The following HEMK2 variants were observed in gnomAD, a reference collection of about 807,000 sequenced individuals.
HEMK2 encodes methyltransferase HEMK2.
At chr21:28,626,190 G>C in the HEMK2 span, among the ~76,000 whole-genome samples, 4 of 151,986 alleles carry the variant, frequency 2.6e-5, no homozygotes, top group African/African-American at 4.8e-5. Flanking sequence ...ATGGCACAAA[G>C]GATGGGTGGA....
the HEMK2 span, among the ~76,000 whole-genome samples, chr21:28,713,024 T>C: frequency 6.6e-6 from 1 of 152,326 alleles, no homozygotes; most frequent in South Asian, 2.1e-4. Context: ...GAAATATGTC[T>C]GCAAGTAAAT....
chr21:28,848,020 G>T, the HEMK2 span, among the ~76,000 whole-genome samples: 4 of 152,180 alleles, frequency 2.6e-5, no homozygotes, highest in East Asian at 1.9e-4. Flanking sequence ...CTCAGTTACT[G>T]TAGCCTTATA....
chr21:28,812,499 T>C, the HEMK2 span, among the ~76,000 whole-genome samples: 1 of 152,230 alleles, frequency 6.6e-6, no homozygotes. Context: ...AACTTGATCG[T>C]GGTGGATAAC....
the HEMK2 span, among the ~76,000 whole-genome samples, chr21:28,764,678 A>T: frequency 7.8e-4 from 119 of 152,194 alleles, no homozygotes; most frequent in African/African-American, 2.7e-3. Context: ...GAACTCACAG[A>T]TGCAAGTTGA....
the HEMK2 span, among the ~76,000 whole-genome samples, chr21:28,688,226 G>T: frequency 6.6e-6 from 1 of 152,164 alleles, no homozygotes; most frequent in African/African-American, 2.4e-5. Context: ...CCCATTCATT[G>T]AGAGTACATT....
At chr21:28,605,773 T>C in the HEMK2 span, among the ~76,000 whole-genome samples, 1 of 152,218 alleles carries the variant, frequency 6.6e-6, no homozygotes, top group Non-Finnish European at 1.5e-5. Context: ...TAGAAAGTGT[T>C]CATTTTAAGG....
the HEMK2 span, among the ~76,000 whole-genome samples, chr21:28,834,821 G>C: frequency 1.3e-5 from 2 of 152,112 alleles, no homozygotes; most frequent in Non-Finnish European, 2.9e-5. Flanking sequence ...GTGGGAGTGA[G>C]ATGGGCCCTT....
At chr21:28,800,561 A>ATGTGTAT in the HEMK2 span, among the ~76,000 whole-genome samples, 2 of 152,100 alleles carry the variant, frequency 1.3e-5, no homozygotes, top group Non-Finnish European at 2.9e-5. Context: ...TGTATGTTTT[A>ATGTGTAT]TGTGTATAGA....
the HEMK2 span, among the ~76,000 whole-genome samples, chr21:28,597,792 G>C: frequency 6.6e-6 from 1 of 152,188 alleles, no homozygotes; most frequent in Non-Finnish European, 1.5e-5. Flanking sequence ...AGAGAAGGGA[G>C]ATGGGATGAG....
the HEMK2 span, among the ~76,000 whole-genome samples, chr21:28,662,089 T>C: frequency 1.3e-5 from 2 of 151,656 alleles, no homozygotes; most frequent in Non-Finnish European, 2.9e-5. Context: ...TCTCTAGAGC[T>C]GAGGGAAGGA....
chr21:28,684,697 A>G, the HEMK2 span, among the ~76,000 whole-genome samples: 4 of 152,194 alleles, frequency 2.6e-5, no homozygotes, highest in African/African-American at 7.2e-5. Context: ...TCAACACGTG[A>G]ATGGGGGATG....
chr21:28,767,230 A>G, the HEMK2 span, among the ~76,000 whole-genome samples: 1 of 152,006 alleles, frequency 6.6e-6, no homozygotes, highest in Admixed American at 6.6e-5. Flanking sequence ...CCCCAGCCAC[A>G]TGGAACTGTA....
the HEMK2 span, among the ~76,000 whole-genome samples, chr21:28,651,372 AT>A: frequency 2.0e-4 from 30 of 152,352 alleles, no homozygotes; most frequent in African/African-American, 6.5e-4. Context: ...ACTATAAAAA[AT>A]ATTCTACTTA....
chr21:28,674,898 C>T, the HEMK2 span: 1 of 152,156 alleles, frequency 6.6e-6, no homozygotes, highest in African/African-American at 2.4e-5. Context: ...GCATTAATCC[C>T]ACCCATGAAA....
At chr21:28,591,987 T>C in the HEMK2 span, among the ~76,000 whole-genome samples, 2 of 152,342 alleles carry the variant, frequency 1.3e-5, no homozygotes, top group South Asian at 4.1e-4. Flanking sequence ...GTCTTTGCTA[T>C]TGTGAATAGT....
At chr21:28,735,656 T>C in the HEMK2 span, among the ~76,000 whole-genome samples, 1 of 152,238 alleles carries the variant, frequency 6.6e-6, no homozygotes, top group African/African-American at 2.4e-5. Context: ...CTGTCCTCAG[T>C]GACGTTTTGT....
At chr21:28,725,568 T>C in the HEMK2 span, among the ~76,000 whole-genome samples, 3 of 152,156 alleles carry the variant, frequency 2.0e-5, no homozygotes, top group Admixed American at 1.3e-4. Context: ...TTTCCAGGGA[T>C]ACCAGACAAG....
the HEMK2 span, among the ~76,000 whole-genome samples, chr21:28,768,215 TG>T: frequency 6.6e-6 from 1 of 152,116 alleles, no homozygotes; most frequent in Non-Finnish European, 1.5e-5. Flanking sequence ...CATCATGCCA[TG>T]GAGACCACTG....
chr21:28,662,391 T>G, the HEMK2 span, among the ~76,000 whole-genome samples: 1 of 152,154 alleles, frequency 6.6e-6, no homozygotes, highest in African/African-American at 2.4e-5. Flanking sequence ...CCCCCTCCGC[T>G]GGCTGAGTCT....
Sources: gnomAD v4.1 joint callset for allele counts (sites outside exome capture counted in the v4.1 genomes callset) on GRCh38, gnomAD v4.1.1 for gene constraint, MANE v1.5 for transcripts, NCBI Gene and HGNC (gene_info 2026-07-23, HGNC 2026-07-21) for gene names.